RNF150: variants seen among roughly 807,000 people sequenced by gnomAD.
The protein encoded by RNF150 is ring finger protein 150.
A neutral mutation model predicts 39.3 loss-of-function variants in RNF150; 24 were observed. The ratio of observed to expected loss-of-function variants is 0.61; its 90% CI spans 0.44 to 0.86. The LOEUF is 0.86. Ranked by LOEUF, RNF150 falls within the 40% of genes least tolerant of loss-of-function variation. The probability of loss-of-function intolerance (pLI) is 0.00; values close to 1 mark genes in which losing one functional copy is unlikely to be tolerated. For synonymous variants in RNF150, 255 were observed against 227.3 expected, an observed-to-expected ratio of 1.12 and a Z score of -1.10; for missense variants, 502 against 587.8, an observed-to-expected ratio of 0.85 and a Z score of 1.51.
intron 1 of RNF150, among the ~76,000 whole-genome samples, chr4:141,201,094 A>AC (rs11274900): frequency 6.6e-6 from 1 of 151,702 alleles, no homozygotes; most frequent in African/African-American, 2.4e-5. Flanking sequence ...ATTATTTCAG[A>AC]TCTTTACCAA....
At chr4:140,878,732 C>G (rs1289430553) in intron 6 of RNF150, among the ~76,000 whole-genome samples, 1 of 152,142 alleles carries the variant, frequency 6.6e-6, no homozygotes. Context: ...TGACTGTTTA[C>G]TGTGCAGAAG....
chr4:141,055,608 A>T (rs1736938110), intron 1 of RNF150, among the ~76,000 whole-genome samples: 1 of 152,168 alleles, frequency 6.6e-6, no homozygotes, highest in South Asian at 2.1e-4. Context: ...GACTTAATAA[A>T]CTGAATGATG....
intron 1 of RNF150, among the ~76,000 whole-genome samples, chr4:141,037,069 C>T (rs558943081): frequency 8.5e-5 from 13 of 152,214 alleles, no homozygotes; most frequent in Middle Eastern, 3.4e-3. Flanking sequence ...ATCTTGCATG[C>T]TATTCTTCAT....
chr4:140,984,033 C>T (rs1447928455), intron 1 of RNF150, among the ~76,000 whole-genome samples: 1 of 152,038 alleles, frequency 6.6e-6, no homozygotes, highest in African/African-American at 2.4e-5. Flanking sequence ...AGCCCCGTGC[C>T]CAGCCGTGTG....
At chr4:141,010,653 C>T (rs544994559) in intron 1 of RNF150, among the ~76,000 whole-genome samples, 1 of 152,138 alleles carries the variant, frequency 6.6e-6, no homozygotes, top group Non-Finnish European at 1.5e-5. Context: ...CAACCCTGAT[C>T]GTGAGGGACT....
chr4:141,132,409 T>TCCGGATCTTATC lies in RNF150; in HGVS notation c.388_399dup (p.Asp130_Arg133dup). ...GCTGAGGCGTTCTGCAGGAACGCGT[T>TCCGGATCTTATC]CCGGATCTTATCCCTGTACGTGCAG... On this transcript the variant is annotated inframe_insertion, in exon 1 of 7. Coordinates refer to ENST00000515673, the MANE Select transcript of RNF150 (RefSeq NM_020724.2). This position sits in a 1 kb window ranked among gnomAD's most constrained non-coding sequence, Gnocchi z 4.9. 6.2e-7 allele frequency: 1 copy of TCCGGATCTTATC among 1,608,842 alleles called. No homozygotes were observed. Among genetic ancestry groups the TCCGGATCTTATC allele is most frequent in the Non-Finnish European group, 8.5e-7 (1 of 1,178,106 alleles).
At chr4:141,065,659 A>G (rs1299033987) in intron 1 of RNF150, among the ~76,000 whole-genome samples, 5 of 152,126 alleles carry the variant, frequency 3.3e-5, no homozygotes, top group African/African-American at 4.8e-5. Flanking sequence ...ATTGAAATTC[A>G]TCGTAATTTT....
chr4:140,924,333 A>C (rs1474461000), intron 5 of RNF150, among the ~76,000 whole-genome samples: 1 of 152,220 alleles, frequency 6.6e-6, no homozygotes, highest in Non-Finnish European at 1.5e-5. Flanking sequence ...AATATTTGCA[A>C]CTTATTTACA....
intron 1 of RNF150, among the ~76,000 whole-genome samples, chr4:141,098,457 G>T (rs868432466): frequency 6.6e-6 from 1 of 152,234 alleles, no homozygotes; most frequent in African/African-American, 2.4e-5. Flanking sequence ...GGTGTGGTGG[G>T]TGTTTGCCTC....
At chr4:140,946,543 G>C (rs988204709) in intron 4 of RNF150, among the ~76,000 whole-genome samples, 4 of 152,094 alleles carry the variant, frequency 2.6e-5, no homozygotes, top group Non-Finnish European at 5.9e-5. Flanking sequence ...CTGGAGTGTA[G>C]TGGCATGATC....
intron 6 of RNF150, among the ~76,000 whole-genome samples, chr4:140,897,459 A>T (rs1364884): frequency 0.16 from 23,924 of 151,964 alleles, 2,288 homozygotes; most frequent in East Asian, 0.36. Flanking sequence ...ATGGATCTGC[A>T]CTCCAACTAC....
chr4:140,916,455 A>G (rs553344549), intron 5 of RNF150, among the ~76,000 whole-genome samples: 46 of 152,232 alleles, frequency 3.0e-4, no homozygotes, highest in Non-Finnish European at 6.6e-4. Context: ...GCGATGGAAG[A>G]CGAAATGAAT....
At chr4:140,872,092 C>G (rs1728970233) in intron 6 of RNF150, among the ~76,000 whole-genome samples, 1 of 152,052 alleles carries the variant, frequency 6.6e-6, no homozygotes, top group Non-Finnish European at 1.5e-5. Context: ...TGGTTTGTTC[C>G]ATAATTTTTA....
intron 1 of RNF150, among the ~76,000 whole-genome samples, chr4:141,105,968 AC>A (rs1234112240): frequency 6.6e-6 from 1 of 152,020 alleles, no homozygotes; most frequent in Non-Finnish European, 1.5e-5. Flanking sequence ...CCTCTTTAGC[AC>A]CCTTCCCATC....
intron 6 of RNF150, among the ~76,000 whole-genome samples, chr4:140,890,743 C>A (rs903211119): frequency 6.6e-6 from 1 of 152,182 alleles, no homozygotes; most frequent in African/African-American, 2.4e-5. Flanking sequence ...TTCTTTAAGC[C>A]ACCAGGTCTA....
chr4:140,927,487 C>T (rs2111324967), intron 4 of RNF150, among the ~76,000 whole-genome samples: 1 of 152,184 alleles, frequency 6.6e-6, no homozygotes, highest in Non-Finnish European at 1.5e-5. Flanking sequence ...ACTCCCCACC[C>T]CGCTTCCTTC....
chr4:141,118,755 T>C (rs1487620393), intron 1 of RNF150, among the ~76,000 whole-genome samples: 1 of 152,108 alleles, frequency 6.6e-6, no homozygotes, highest in Non-Finnish European at 1.5e-5. Flanking sequence ...TTTGTTTGAT[T>C]GAGTGAGTGA....
At chr4:141,128,880 CAGTT>C (rs930746875) in intron 1 of RNF150, among the ~76,000 whole-genome samples, 1 of 152,072 alleles carries the variant, frequency 6.6e-6, no homozygotes, top group Non-Finnish European at 1.5e-5. Flanking sequence ...TAAAAAGTAA[CAGTT>C]AGTCATCAGG....
intron 1 of RNF150, among the ~76,000 whole-genome samples, chr4:140,976,119 G>A (rs1484266519): frequency 5.9e-5 from 9 of 152,194 alleles, no homozygotes; most frequent in Non-Finnish European, 8.8e-5. Context: ...GCATTACGGT[G>A]AAGGAAAGAA....
Sources: allele counts gnomAD v4.1 joint callset (sites outside exome capture counted in the v4.1 genomes callset), GRCh38; gene constraint gnomAD v4.1.1; non-coding constraint Gnocchi (gnomAD v3.1); transcripts MANE v1.5; gene names NCBI Gene and HGNC (gene_info 2026-07-23, HGNC 2026-07-21).